The following EPHB2 variants were observed in gnomAD, a reference collection of about 807,000 sequenced individuals.
EPHB2 encodes the protein ephrin type-B receptor 2.
In EPHB2, 18 loss-of-function variants were observed where a neutral mutation model predicts 96.4. That is an observed-to-expected ratio of 0.19 (90% CI 0.13 to 0.28). The LOEUF (loss-of-function observed/expected upper bound fraction) is 0.28. EPHB2 is among the 10% of genes least tolerant of loss of function. The probability of loss-of-function intolerance (pLI) is 1.00; values close to 1 mark genes in which losing one functional copy is unlikely to be tolerated. For synonymous variants in EPHB2, 506 were observed against 534.1 expected, an observed-to-expected ratio of 0.95 and a Z score of 0.72; for missense variants, 989 against 1,355.4, an observed-to-expected ratio of 0.73 and a Z score of 4.25.
intron 1 of EPHB2, among the ~76,000 whole-genome samples, chr1:22,747,711 T>C (rs1271915376): frequency 6.6e-6 from 1 of 152,172 alleles, no homozygotes; most frequent in Non-Finnish European, 1.5e-5. Flanking sequence ...CCTCTGCTGT[T>C]TGGGGACTCA....
intron 3 of EPHB2, among the ~76,000 whole-genome samples, chr1:22,797,062 TTG>T (rs1462475852): frequency 2.0e-5 from 3 of 152,200 alleles, no homozygotes. Flanking sequence ...AAAAGGGCTA[TTG>T]TCCCCATTCT....
At chr1:22,864,728 T>G in intron 4 of EPHB2, 149 bp from the exon 5 acceptor site, 1 of 605,608 alleles carries the variant, frequency 1.7e-6, no homozygotes, top group Non-Finnish European at 2.9e-6. Context: ...ACTTGTATTC[T>G]AGAAACATTT....
intron 3 of EPHB2, among the ~76,000 whole-genome samples, chr1:22,802,044 TG>T (rs1644851227): frequency 6.6e-6 from 1 of 151,830 alleles, no homozygotes; most frequent in South Asian, 2.1e-4. Flanking sequence ...GATTAGCTGC[TG>T]GGGGGTGGGG....
At chr1:22,746,968 G>A (rs965088371) in intron 1 of EPHB2, among the ~76,000 whole-genome samples, 3 of 152,214 alleles carry the variant, frequency 2.0e-5, no homozygotes, top group African/African-American at 4.8e-5. Flanking sequence ...GTGTTTTAAA[G>A]TCAGATGAAA....
At chr1:22,884,135 C>A (rs1317626611) in intron 6 of EPHB2, among the ~76,000 whole-genome samples, 2 of 152,166 alleles carry the variant, frequency 1.3e-5, no homozygotes, top group Non-Finnish European at 2.9e-5. Context: ...GCCTGTGTCT[C>A]CCGCAGGGGA....
At chr1:22,725,762 A>G (rs375781191) in intron 1 of EPHB2, among the ~76,000 whole-genome samples, 7 of 152,286 alleles carry the variant, frequency 4.6e-5, no homozygotes, top group African/African-American at 1.4e-4. Flanking sequence ...AAGGCTGGTG[A>G]CAGGTGGGGG....
intron 3 of EPHB2, among the ~76,000 whole-genome samples, chr1:22,788,355 C>T (rs1644641110): frequency 6.6e-6 from 1 of 152,226 alleles, no homozygotes; most frequent in Admixed American, 6.5e-5. Flanking sequence ...TCAGCCCAGC[C>T]CAGCCATCCA....
chr1:22,785,672 T>C (rs1277662271), intron 3 of EPHB2, among the ~76,000 whole-genome samples: 1 of 152,226 alleles, frequency 6.6e-6, no homozygotes, highest in Non-Finnish European at 1.5e-5. Flanking sequence ...GAATACTGGC[T>C]TTAAAGCTTC....
chr1:22,739,372 C>G (rs1317010588), intron 1 of EPHB2, among the ~76,000 whole-genome samples: 1 of 152,122 alleles, frequency 6.6e-6, no homozygotes, highest in African/African-American at 2.4e-5. Context: ...CATGCCAGCA[C>G]GCCTGGCTAG....
chr1:22,868,696 G>A (rs886703593), intron 5 of EPHB2, among the ~76,000 whole-genome samples: 14 of 152,200 alleles, frequency 9.2e-5, no homozygotes, highest in African/African-American at 3.1e-4. Flanking sequence ...CCACGGCCAA[G>A]CCCAGCATCA....
At chr1:22,766,485 A>G (rs1644309177) in intron 1 of EPHB2, among the ~76,000 whole-genome samples, 1 of 152,166 alleles carries the variant, frequency 6.6e-6, no homozygotes, top group African/African-American at 2.4e-5. Context: ...TGATTGTGGT[A>G]CTAGCCTCCC....
chr1:22,834,551 A>T (rs944214238), intron 3 of EPHB2, among the ~76,000 whole-genome samples: 1 of 152,172 alleles, frequency 6.6e-6, no homozygotes, highest in African/African-American at 2.4e-5. Context: ...CAACTCTGCC[A>T]TTGTGACATA....
At chr1:22,884,090 C>T (rs1357290060) in intron 6 of EPHB2, among the ~76,000 whole-genome samples, 1 of 152,064 alleles carries the variant, frequency 6.6e-6, no homozygotes, top group African/African-American at 2.4e-5. Context: ...ATGGACTCTG[C>T]CCCTCTCTTA....
rs893724821 is a variant in EPHB2 at position 22,900,609 on chromosome 1, G to A, written c.1765+4131G>A. ...GGAATGGGATAGGCTCCCATGCTCCGTCTCCTGGAGCCACTGGGGAGCATT... is the reference window on the plus strand; with the variant it reads ...GGAATGGGATAGGCTCCCATGCTCCATCTCCTGGAGCCACTGGGGAGCATT... On this transcript the variant is annotated intron_variant, in intron 9 of 15. Coordinates refer to ENST00000374630, the MANE Select transcript of EPHB2 (RefSeq NM_017449.5). 7.2e-5 allele frequency among the ~76,000 whole-genome samples: 11 copies of A among 152,262 alleles called. No homozygotes were observed. In the East Asian group the frequency reaches 9.7e-4, roughly 13 times the overall value.
At chr1:22,725,217 A>G (rs914363050) in intron 1 of EPHB2, among the ~76,000 whole-genome samples, 5 of 151,984 alleles carry the variant, frequency 3.3e-5, no homozygotes, top group Non-Finnish European at 5.9e-5. Flanking sequence ...TGAGTGGATG[A>G]GTTATTGATG....
chr1:22,906,677 G>T lies in EPHB2; in HGVS notation c.1889-33G>T. ...AAGGTGGCCCTTCCACCTGGCAAGT[G>T]ACATCCTGTCTGTCTTGGTGTTTCT... is the stretch of plus-strand genomic sequence containing the variant. On this transcript the variant is annotated intron_variant, in intron 10 of 15. Transcript: ENST00000374630. This position sits in a 1 kb window ranked among gnomAD's most constrained non-coding sequence, Gnocchi z 4.8. 6.2e-7 allele frequency: 1 copy of T among 1,613,790 alleles called. No homozygotes were observed. Among genetic ancestry groups the T allele is most frequent in the South Asian group, 1.1e-5 (1 of 90,998 alleles).
At chr1:22,878,480 G>A (rs941177510) in intron 5 of EPHB2, among the ~76,000 whole-genome samples, 24 of 152,172 alleles carry the variant, frequency 1.6e-4, no homozygotes, top group African/African-American at 3.9e-4. Context: ...GTTCCTCTCC[G>A]GAGCCCCAGC....
At chr1:22,712,604 G>A (rs1404948076) in intron 1 of EPHB2, among the ~76,000 whole-genome samples, 1 of 152,220 alleles carries the variant, frequency 6.6e-6, no homozygotes. Context: ...CTGGATGGCA[G>A]CCACAGTTTC....
intron 15 of EPHB2, 162 bp downstream of exon 15, chr1:22,912,761 TA>T (rs1183438328): frequency 1.0e-6 from 1 of 988,478 alleles, no homozygotes; most frequent in Non-Finnish European, 1.5e-6. Context: ...TGTGGACTGA[TA>T]CCCAGGTCTG....
Sources: gnomAD v4.1 joint callset for allele counts (sites outside exome capture counted in the v4.1 genomes callset) on GRCh38, gnomAD v4.1.1 for gene constraint, Gnocchi (gnomAD v3.1) non-coding constraint, MANE v1.5 for transcripts, NCBI Gene and HGNC (gene_info 2026-07-23, HGNC 2026-07-21) for gene names.